DCLK2: variants seen among roughly 807,000 people sequenced by gnomAD.
DCLK2 encodes the protein serine/threonine-protein kinase DCLK2.
Under a neutral mutation model 78.4 loss-of-function variants are expected in DCLK2, and 31 were observed. That is an observed-to-expected ratio of 0.40 (90% CI 0.30 to 0.53). The LOEUF is 0.53. Among genes scored for constraint, DCLK2 ranks in the 20% least tolerant of loss-of-function variants. The pLI is 0.61. For synonymous variants in DCLK2, 407 were observed against 374.9 expected (o/e 1.09, Z -0.99); for missense variants, 872 against 973.7 (o/e 0.90, Z 1.39).
Position 150,256,401 on chromosome 4 carries a change from C to A in DCLK2, c.*154C>A. The A allele has an allele frequency of 1.9e-6, 2 of 1,053,528 alleles. No homozygotes were observed. The highest frequency in any genetic ancestry group is 2.6e-6 in the Non-Finnish European group (2 of 758,422). The allele number at this position is 1,053,528 out of a possible 1,614,324, so 65.3% of individuals were successfully genotyped here. On this transcript the variant is annotated 3_prime_UTR_variant, in exon 16 of 16. Coordinates refer to ENST00000296550, the MANE Select transcript of DCLK2 (RefSeq NM_001040260.4). ...AGGCCGCCTGGGAACCGGAGCCTGG[C>A]GTGCCGGAGCCTGGCCTGGTGCTCT...
intron 1 of DCLK2, 140 bp from the exon 2 acceptor site, chr4:150,102,338 A>G: frequency 1.4e-6 from 1 of 733,614 alleles, no homozygotes; most frequent in Non-Finnish European, 2.2e-6. Context: ...AGAATGCCAA[A>G]GGAAAAGGGT....
At chr4:150,103,600 T>C (rs974340122) in intron 2 of DCLK2, among the ~76,000 whole-genome samples, 2 of 149,754 alleles carry the variant, frequency 1.3e-5, no homozygotes, top group South Asian at 2.1e-4. Context: ...AAATTAAATT[T>C]GTTTCTTTGT....
chr4:150,141,539 A>T (rs1452326365), intron 2 of DCLK2, among the ~76,000 whole-genome samples: 1 of 152,232 alleles, frequency 6.6e-6, no homozygotes, highest in Non-Finnish European at 1.5e-5. Flanking sequence ...GTTTCTGAGC[A>T]TTGGACTCTT....
chr4:150,092,930 T>A (rs998793036), intron 1 of DCLK2, among the ~76,000 whole-genome samples: 6 of 152,098 alleles, frequency 3.9e-5, no homozygotes, highest in African/African-American at 1.4e-4. Flanking sequence ...GTACTGGAAG[T>A]CTTAGCAAGA....
chr4:150,091,769 A>ATGTGTGTG (rs57146406), intron 1 of DCLK2, among the ~76,000 whole-genome samples: 110 of 117,108 alleles, frequency 9.4e-4, no homozygotes, highest in Admixed American at 4.4e-3. Context: ...AGGAACATTT[A>ATGTGTGTG]TGTGTGTGTG....
At chr4:150,192,369 A>G (rs1167739738) in intron 2 of DCLK2, among the ~76,000 whole-genome samples, 1 of 150,744 alleles carries the variant, frequency 6.6e-6, no homozygotes, top group Non-Finnish European at 1.5e-5. Context: ...AGTCCCAGCT[A>G]CTTGGGAGGC....
intron 12 of DCLK2, among the ~76,000 whole-genome samples, chr4:150,243,592 C>T (rs1300693029): frequency 2.6e-5 from 4 of 152,208 alleles, no homozygotes; most frequent in Admixed American, 2.6e-4. Flanking sequence ...ACAACTTTAA[C>T]CCAAAGCATT....
chr4:150,166,758 A>G (rs1361472918), intron 2 of DCLK2, among the ~76,000 whole-genome samples: 2 of 61,182 alleles, frequency 3.3e-5, no homozygotes, highest in African/African-American at 6.4e-5. Context: ...TGTTCATGCA[A>G]TCTTTGTGCA....
Position 150,221,710 on chromosome 4 carries a change from C to T in DCLK2, c.1166C>T (p.Thr389Ile), listed in dbSNP as rs552557131. 1.2e-6 allele frequency: 2 copies of T among 1,605,246 alleles called. No individual in the cohort carries two copies. Among genetic ancestry groups the T allele is most frequent in the East Asian group, 2.3e-5 (1 of 44,318 alleles). ...VNGNRCSESSTLLEKYKIGKV... is the reference protein window; with the variant it reads ...VNGNRCSESSILLEKYKIGKV... ...GGAAACAGATGCTCTGAATCATCAA[C>T]TCTTCTTGAGAAATACAAAATTGGA... The change falls in exon 7 of 16, where the codon ACT becomes ATT. Residue 389 changes from threonine (T) to isoleucine (I), a missense_variant. Thr to Ile is a moderately conservative substitution (Grantham distance 89, BLOSUM62 -1). Transcript: ENST00000296550.
intron 1 of DCLK2, among the ~76,000 whole-genome samples, chr4:150,098,069 T>C (rs895352644): frequency 4.6e-5 from 7 of 152,212 alleles, no homozygotes; most frequent in African/African-American, 1.7e-4. Flanking sequence ...TATCATAGCA[T>C]TTGGGCTCTG....
chr4:150,102,560 C>T lies in DCLK2; in HGVS notation c.504C>T (p.Asn168=). The change falls in exon 2 of 16, where the codon AAC becomes AAT. Residue 168 remains asparagine, a synonymous_variant. Coordinates refer to ENST00000296550, the MANE Select transcript of DCLK2 (RefSeq NM_001040260.4). ...ATATTAATCCAAACTGGTCTGTGAA[C>T]ATCAAGGGTGGGACATCCCGAGCGC... ...TKNINPNWSV[N]IKGGTSRALA... 2 of 1,614,174 alleles carry T rather than the reference C, an allele frequency of 1.2e-6. No individual in the cohort carries two copies. The highest frequency in any genetic ancestry group is 1.7e-6 in the Non-Finnish European group (2 of 1,180,018).
chr4:150,158,289 A>G (rs1320069850), intron 2 of DCLK2, among the ~76,000 whole-genome samples: 1 of 152,190 alleles, frequency 6.6e-6, no homozygotes, highest in African/African-American at 2.4e-5. Flanking sequence ...TGGCCTACTC[A>G]TATGACCTCA....
At chr4:150,167,803 T>C (rs1736210149) in intron 2 of DCLK2, among the ~76,000 whole-genome samples, 1 of 151,798 alleles carries the variant, frequency 6.6e-6, no homozygotes, top group Non-Finnish European at 1.5e-5. Context: ...GCTGGGCGAG[T>C]GGGCTCAAGC....
chr4:150,198,820 G>T (rs942649595), intron 4 of DCLK2, among the ~76,000 whole-genome samples: 1 of 151,520 alleles, frequency 6.6e-6, no homozygotes, highest in Non-Finnish European at 1.5e-5. Context: ...ACATGGGAAA[G>T]TTGTATCAAT....
chr4:150,228,083 C>T (rs948467651), intron 8 of DCLK2, among the ~76,000 whole-genome samples: 6 of 152,142 alleles, frequency 3.9e-5, no homozygotes, highest in Admixed American at 2.0e-4. Flanking sequence ...TCCGTCTTCA[C>T]GCTGCCTTCT....
In DCLK2 at chr4:150,183,738, T is replaced by C. The variant is rs1019108842; in HGVS notation, c.757-9400T>C. Reference sequence around the variant, plus strand: ...CTTTTGATTTCTTTTTTTCTTTTTCTTTTTTTTTTTTTGGAGACAGAGTCT... The same window carrying C: ...CTTTTGATTTCTTTTTTTCTTTTTCCTTTTTTTTTTTTGGAGACAGAGTCT... On this transcript the variant is annotated intron_variant, in intron 2 of 15. Transcript: ENST00000296550. Among the ~76,000 whole-genome samples, 8 of 131,736 alleles carry C rather than the reference T, an allele frequency of 6.1e-5. No homozygotes were observed. The East Asian group carries it at 8.0e-4, about 13-fold the overall frequency. The allele number at this position is 131,736 out of a possible 152,430, so 86.4% of individuals were successfully genotyped here.
intron 2 of DCLK2, among the ~76,000 whole-genome samples, chr4:150,137,115 G>A (rs1733750030): frequency 6.6e-6 from 1 of 150,508 alleles, no homozygotes; most frequent in African/African-American, 2.4e-5. Flanking sequence ...CCAACTCATT[G>A]AGACTATGCG....
In DCLK2 at chr4:150,221,768, C is replaced by T; in HGVS notation, c.1224C>T (p.Val408=). The change falls in exon 7 of 16, where the codon GTC becomes GTT. Residue 408 remains valine (V), a synonymous_variant. Coordinates refer to ENST00000296550, the MANE Select transcript of DCLK2 (RefSeq NM_001040260.4). Reference sequence around the variant, plus strand: ...TTGGTGATGGCAATTTTGCAGTAGTCAAAGAGTGTATAGACAGGTGAGTGG... The same window carrying T: ...TTGGTGATGGCAATTTTGCAGTAGTTAAAGAGTGTATAGACAGGTGAGTGG... ...KVIGDGNFAV[V]KECIDRSTGK... 1 of 1,600,392 alleles carries T rather than the reference C, an allele frequency of 6.2e-7. No homozygotes were observed. Among genetic ancestry groups the T allele is most frequent in the East Asian group, 2.3e-5 (1 of 44,288 alleles).
At chr4:150,082,010 A>G (rs934838441) in intron 1 of DCLK2, among the ~76,000 whole-genome samples, 15 of 151,732 alleles carry the variant, frequency 9.9e-5, no homozygotes, top group South Asian at 2.1e-4. Context: ...AAAAAAAAAA[A>G]AAAAGAAAAG....
Sources: allele counts gnomAD v4.1 joint callset (sites outside exome capture counted in the v4.1 genomes callset), GRCh38; gene constraint gnomAD v4.1.1; transcripts MANE v1.5; gene names NCBI Gene and HGNC (gene_info 2026-07-23, HGNC 2026-07-21).